The following MYBL2 variants were observed in gnomAD, a reference collection of about 807,000 sequenced individuals.
MYBL2 encodes the protein MYB proto-oncogene like 2.
Under a neutral mutation model 79.9 loss-of-function variants are expected in MYBL2, and 28 were observed. That is an observed-to-expected ratio of 0.35 (90% CI 0.26 to 0.48). The LOEUF is 0.48. MYBL2 is among the 20% of genes least tolerant of loss of function. MYBL2 has a pLI of 0.99. For missense variants in MYBL2, 735 were observed against 893.9 expected, an observed-to-expected ratio of 0.82 and a Z score of 2.27; for synonymous variants, 378 against 361.2, an observed-to-expected ratio of 1.05 and a Z score of -0.53.
intron 8 of MYBL2, 100 bp from the exon 9 acceptor site, chr20:43,705,119 G>C (rs1600562248): frequency 4.1e-6 from 6 of 1,449,560 alleles, no homozygotes; most frequent in Non-Finnish European, 5.6e-6. Context: ...CAGACGTTTT[G>C]GGGGAGAGGC....
In MYBL2 at chr20:43,667,313, G is replaced by C; in HGVS notation, c.20+10G>C. 1.6e-6 allele frequency: 2 copies of C among 1,230,066 alleles called. No homozygotes were observed. The highest frequency in any genetic ancestry group is 2.0e-6 in the Non-Finnish European group (2 of 985,386). 76.2% of individuals were successfully genotyped at this position (1,230,066 alleles called of 1,614,324 possible). A position where few individuals can be genotyped will look rare whatever the true frequency, so the allele number is the denominator to read the frequency against. On this transcript the variant is annotated intron_variant, in intron 1 of 13. Coordinates refer to ENST00000217026, the MANE Select transcript of MYBL2 (RefSeq NM_002466.4). ...CTCGGCGGACGCGCTGGTGAGACGA[G>C]CCGGGAGGGCTTGGGCCCCTCCCCC...
intron 6 of MYBL2, among the ~76,000 whole-genome samples, chr20:43,692,777 A>G (rs899215223): frequency 2.0e-5 from 3 of 152,062 alleles, no homozygotes; most frequent in African/African-American, 2.4e-5. Flanking sequence ...CTATCTTTTT[A>G]ATTAAAAAAA....
intron 6 of MYBL2, among the ~76,000 whole-genome samples, chr20:43,697,208 G>A (rs1037363988): frequency 9.9e-5 from 15 of 152,060 alleles, no homozygotes; most frequent in African/African-American, 3.6e-4. Flanking sequence ...AAAAATCTTT[G>A]CCAGTTTTAA....
intron 6 of MYBL2, among the ~76,000 whole-genome samples, chr20:43,694,367 T>G (rs957013187): frequency 1.9e-4 from 24 of 123,300 alleles, no homozygotes; most frequent in Non-Finnish European, 3.2e-4. Flanking sequence ...AATAAATAAA[T>G]AAAAATTTGA....
chr20:43,705,447 G>GA, intron 9 of MYBL2, 89 bp downstream of exon 9: 4 of 1,418,104 alleles, frequency 2.8e-6, no homozygotes, highest in Non-Finnish European at 2.8e-6. Flanking sequence ...GAACAGTGGG[G>GA]AGGGGGCACC....
At position 43,702,443 on chromosome 20, in the gene MYBL2, T is replaced by C. The variant is rs766364875; in HGVS notation, c.952-47T>C. ...TTCCCGTAATGAATGAGTCCTCTTG[T>C]ATTAAGAGCATAGTAATTGCAATTC... is the stretch of plus-strand genomic sequence containing the variant. On this transcript the variant is annotated intron_variant, in intron 7 of 13. Coordinates refer to ENST00000217026, the MANE Select transcript of MYBL2 (RefSeq NM_002466.4). 28 of 1,529,364 alleles carry C rather than the reference T, an allele frequency of 1.8e-5. No individual in the cohort carries two copies. In the South Asian group the frequency reaches 2.5e-4, roughly 13 times the overall value. The allele number at this position is 1,529,364 out of a possible 1,614,324, so 94.7% of individuals were successfully genotyped here.
In MYBL2 at chr20:43,674,720, C is replaced by T. The variant is rs551693024; in HGVS notation, c.114+821C>T. Among the ~76,000 whole-genome samples, 20 of 151,392 alleles carry T rather than the reference C, an allele frequency of 1.3e-4. No homozygotes were observed. The South Asian group carries it at 1.5e-3, about 11-fold the overall frequency. On this transcript the variant is annotated intron_variant, in intron 2 of 13. Coordinates refer to ENST00000217026, the MANE Select transcript of MYBL2 (RefSeq NM_002466.4). Reference sequence around the variant, plus strand: ...TAATTTTTGTATTTTTTAGTAGAGACGGAGTTTCACCATGTTGGCCAGGCT... The same window carrying T: ...TAATTTTTGTATTTTTTAGTAGAGATGGAGTTTCACCATGTTGGCCAGGCT...
intron 2 of MYBL2, among the ~76,000 whole-genome samples, chr20:43,681,278 CA>C (rs1453402335): frequency 2.6e-5 from 4 of 152,132 alleles, no homozygotes; most frequent in African/African-American, 9.7e-5. Context: ...GCCCCTTTCC[CA>C]CCCTGTAGCA....
chr20:43,704,454 T>G (rs1987736570), intron 8 of MYBL2, among the ~76,000 whole-genome samples: 1 of 152,188 alleles, frequency 6.6e-6, no homozygotes, highest in African/African-American at 2.4e-5. Context: ...GGCTGCTGGC[T>G]GGAGAAGGAA....
chr20:43,684,832 G>C (rs1165799745), intron 4 of MYBL2, among the ~76,000 whole-genome samples: 1 of 56,150 alleles, frequency 1.8e-5, no homozygotes, highest in Non-Finnish European at 3.4e-5. Context: ...GTGAGACCCT[G>C]TCTCTTAAAA....
intron 5 of MYBL2, among the ~76,000 whole-genome samples, chr20:43,691,857 T>TA (rs1228838285): frequency 7.2e-5 from 11 of 151,846 alleles, no homozygotes; most frequent in African/African-American, 2.7e-4. Flanking sequence ...TTTTTTTTTT[T>TA]AATTAAAAAA....
intron 4 of MYBL2, among the ~76,000 whole-genome samples, chr20:43,686,635 A>G (rs563000720): frequency 6.6e-6 from 1 of 152,282 alleles, no homozygotes. Flanking sequence ...ATTCCAGGCA[A>G]TAAATGAGAG....
At chr20:43,693,814 G>A (rs1987470575) in intron 6 of MYBL2, among the ~76,000 whole-genome samples, 1 of 152,100 alleles carries the variant, frequency 6.6e-6, no homozygotes, top group Non-Finnish European at 1.5e-5. Flanking sequence ...ACTTTGGGAG[G>A]CCAAGGCTTT....
chr20:43,716,213 A>T lies in MYBL2; in HGVS notation c.*126A>T. The T allele has an allele frequency of 6.8e-7, 1 of 1,464,420 alleles. No individual in the cohort carries two copies. The highest frequency in any genetic ancestry group is 9.2e-7 in the Non-Finnish European group (1 of 1,083,606). 90.7% of individuals were successfully genotyped at this position (1,464,420 alleles called of 1,614,324 possible). A position where few individuals can be genotyped will look rare whatever the true frequency, so the allele number is the denominator to read the frequency against. On this transcript the variant is annotated 3_prime_UTR_variant, in exon 14 of 14. Coordinates refer to ENST00000217026, the MANE Select transcript of MYBL2 (RefSeq NM_002466.4). Reference sequence around the variant, plus strand: ...AGCCTTCTGCCACCAGCCCCTCCCCAGACTCTCAGGTGGAGGCAACAGGGC... The same window carrying T: ...AGCCTTCTGCCACCAGCCCCTCCCCTGACTCTCAGGTGGAGGCAACAGGGC...
chr20:43,675,176 C>T (rs1446520901), intron 2 of MYBL2, among the ~76,000 whole-genome samples: 4 of 151,962 alleles, frequency 2.6e-5, no homozygotes, highest in Admixed American at 2.0e-4. Flanking sequence ...GACAGGGTCT[C>T]GCCATGTTGC....
At chr20:43,686,081 T>A (rs1247365470) in intron 4 of MYBL2, among the ~76,000 whole-genome samples, 6 of 148,504 alleles carry the variant, frequency 4.0e-5, no homozygotes, top group East Asian at 2.0e-4. Flanking sequence ...ATAAAATCTT[T>A]AAAAAAAAAA....
intron 4 of MYBL2, among the ~76,000 whole-genome samples, chr20:43,684,838 TAAA>T (rs3091560): frequency 7.1e-6 from 1 of 140,878 alleles, no homozygotes; most frequent in African/African-American, 2.6e-5. Flanking sequence ...CCCTGTCTCT[TAAA>T]AAAAAAAAAA....
intron 12 of MYBL2, among the ~76,000 whole-genome samples, chr20:43,713,479 C>T (rs1987960166): frequency 6.6e-6 from 1 of 151,774 alleles, no homozygotes; most frequent in Non-Finnish European, 1.5e-5. Flanking sequence ...CCTCCGTCTC[C>T]CGAGTTCAAG....
intron 12 of MYBL2, among the ~76,000 whole-genome samples, 175 bp from the exon 13 acceptor site, chr20:43,714,959 C>T (rs1350955982): frequency 6.6e-6 from 1 of 152,192 alleles, no homozygotes; most frequent in Non-Finnish European, 1.5e-5. Flanking sequence ...ATAAAGTAAG[C>T]TTAAGCTCAT....
Sources: allele counts gnomAD v4.1 joint callset (sites outside exome capture counted in the v4.1 genomes callset), GRCh38; gene constraint gnomAD v4.1.1; transcripts MANE v1.5; gene names NCBI Gene and HGNC (gene_info 2026-07-23, HGNC 2026-07-21).